KCNIP4: variants seen among roughly 807,000 people sequenced by gnomAD.
The protein encoded by KCNIP4 is Kv channel-interacting protein 4.
KCNIP4 carries 12 observed loss-of-function variants against 34.0 expected under a neutral mutation model. That is an observed-to-expected ratio of 0.35 (90% CI 0.23 to 0.57). KCNIP4 has a LOEUF of 0.57. Ranked by LOEUF, KCNIP4 falls within the 20% of genes least tolerant of loss-of-function variation. The probability of loss-of-function intolerance (pLI) is 0.83; values close to 1 mark genes in which losing one functional copy is unlikely to be tolerated. For synonymous variants in KCNIP4, 124 were observed against 102.2 expected (o/e 1.21, Z -1.29); for missense variants, 238 against 311.7 (o/e 0.76, Z 1.78).
At chr4:20,810,467 G>A (rs1300406991) in intron 3 of KCNIP4, among the ~76,000 whole-genome samples, 1 of 42,714 alleles carries the variant, frequency 2.3e-5, no homozygotes, top group African/African-American at 7.2e-5. Flanking sequence ...GAAGGGGGGA[G>A]AGAGAGAGAG....
chr4:21,814,953 C>A (rs1228282733), intron 1 of KCNIP4, among the ~76,000 whole-genome samples: 1 of 152,116 alleles, frequency 6.6e-6, no homozygotes, highest in Non-Finnish European at 1.5e-5. Flanking sequence ...GCAACTTTGG[C>A]AACATCACAT....
chr4:20,967,739 G>A (rs1033183729), intron 1 of KCNIP4, among the ~76,000 whole-genome samples: 3 of 152,190 alleles, frequency 2.0e-5, no homozygotes, highest in Non-Finnish European at 4.4e-5. Context: ...GTAGAAAGCT[G>A]AAACTGGATC....
At chr4:21,216,121 A>T (rs2108988796) in intron 1 of KCNIP4, among the ~76,000 whole-genome samples, 1 of 152,306 alleles carries the variant, frequency 6.6e-6, no homozygotes, top group East Asian at 1.9e-4. Flanking sequence ...ATGAATGCAA[A>T]GGGCGGTTGA....
At chr4:20,884,546 T>G (rs1443653916) in intron 1 of KCNIP4, among the ~76,000 whole-genome samples, 1 of 151,894 alleles carries the variant, frequency 6.6e-6, no homozygotes, top group Non-Finnish European at 1.5e-5. Flanking sequence ...CCCTCTCCTT[T>G]GCAAACTCCT....
intron 1 of KCNIP4, among the ~76,000 whole-genome samples, chr4:20,934,376 A>G (rs1371015485): frequency 2.6e-5 from 4 of 152,224 alleles, no homozygotes; most frequent in African/African-American, 4.8e-5. Flanking sequence ...TCTATTATCA[A>G]TTTACTAGAT....
At chr4:20,893,069 CATGTTCAAAA>C (rs1421257292) in intron 1 of KCNIP4, among the ~76,000 whole-genome samples, 1 of 152,156 alleles carries the variant, frequency 6.6e-6, no homozygotes, top group Non-Finnish European at 1.5e-5. Context: ...ACCCCCTTTT[CATGTTCAAAA>C]ATGTTCTTGT....
intron 1 of KCNIP4, among the ~76,000 whole-genome samples, chr4:21,648,432 T>C (rs1040204205): frequency 1.3e-5 from 2 of 152,184 alleles, no homozygotes; most frequent in South Asian, 2.1e-4. Context: ...ACTGAGACTG[T>C]GTGAGGCTCT....
intron 1 of KCNIP4, among the ~76,000 whole-genome samples, chr4:21,086,074 T>C (rs1746404240): frequency 2.0e-5 from 3 of 152,206 alleles, no homozygotes; most frequent in South Asian, 4.1e-4. Flanking sequence ...TTCCGTCATG[T>C]AGATATAGTG....
At chr4:21,281,989 G>C (rs1317972556) in intron 1 of KCNIP4, among the ~76,000 whole-genome samples, 1 of 152,172 alleles carries the variant, frequency 6.6e-6, no homozygotes, top group African/African-American at 2.4e-5. Context: ...GCTGCATACT[G>C]TTCACTTGGC....
At chr4:20,935,481 A>T (rs1030930013) in intron 1 of KCNIP4, among the ~76,000 whole-genome samples, 1 of 152,204 alleles carries the variant, frequency 6.6e-6, no homozygotes, top group Non-Finnish European at 1.5e-5. Context: ...TACCTCTTAG[A>T]AATGTATCAA....
chr4:21,443,609 T>C (rs1727678998), intron 1 of KCNIP4, among the ~76,000 whole-genome samples: 2 of 152,172 alleles, frequency 1.3e-5, no homozygotes, highest in South Asian at 4.1e-4. Context: ...CTAGAAACCT[T>C]GCCTGAGTTT....
At chr4:20,925,330 A>G (rs187782929) in intron 1 of KCNIP4, among the ~76,000 whole-genome samples, 78 of 152,264 alleles carry the variant, frequency 5.1e-4, no homozygotes, top group African/African-American at 1.7e-3. Context: ...AAGTCACTAG[A>G]TAAGACAGGA....
intron 1 of KCNIP4, among the ~76,000 whole-genome samples, chr4:21,207,900 T>G (rs1014051079): frequency 6.8e-6 from 1 of 148,100 alleles, no homozygotes; most frequent in Non-Finnish European, 1.5e-5. Flanking sequence ...TGGAGTGCAC[T>G]GGCATGAGCT....
At chr4:21,674,303 T>C (rs902761262) in intron 1 of KCNIP4, among the ~76,000 whole-genome samples, 35 of 152,208 alleles carry the variant, frequency 2.3e-4, no homozygotes, top group African/African-American at 8.0e-4. Context: ...TGTACATTTC[T>C]ACCTTATATA....
chr4:21,722,576 T>A (rs545279406), intron 1 of KCNIP4, among the ~76,000 whole-genome samples: 21 of 152,248 alleles, frequency 1.4e-4, no homozygotes, highest in African/African-American at 5.1e-4. Flanking sequence ...GATATGCAGA[T>A]TTAATTCAAC....
At chr4:21,031,800 CG>C (rs528711894) in intron 1 of KCNIP4, among the ~76,000 whole-genome samples, 208 of 152,276 alleles carry the variant, frequency 1.4e-3, no homozygotes, top group Middle Eastern at 6.8e-3. Flanking sequence ...AACTCTACAT[CG>C]CTAGCTTTTT....
At chr4:21,189,654 G>A (rs1755487438) in intron 1 of KCNIP4, among the ~76,000 whole-genome samples, 1 of 152,086 alleles carries the variant, frequency 6.6e-6, no homozygotes, top group African/African-American at 2.4e-5. Flanking sequence ...AAATAAAAAG[G>A]GTCCTTCTGA....
intron 1 of KCNIP4, among the ~76,000 whole-genome samples, chr4:20,927,322 A>T (rs1730003933): frequency 6.6e-6 from 1 of 152,068 alleles, no homozygotes; most frequent in African/African-American, 2.4e-5. Flanking sequence ...TTATTTTAGG[A>T]ATGTGGCTAA....
chr4:21,605,198 G>T (rs1743545721), intron 1 of KCNIP4, among the ~76,000 whole-genome samples: 1 of 152,152 alleles, frequency 6.6e-6, no homozygotes, highest in Non-Finnish European at 1.5e-5. Context: ...AATGCCATCT[G>T]GTTTGCTGTA....
Sources: allele counts gnomAD v4.1 joint callset (sites outside exome capture counted in the v4.1 genomes callset), GRCh38; gene constraint gnomAD v4.1.1; transcripts MANE v1.5; gene names NCBI Gene and HGNC (gene_info 2026-07-23, HGNC 2026-07-21).